DNAJC1: variants seen among roughly 807,000 people sequenced by gnomAD.
DNAJC1 encodes DnaJ heat shock protein family (Hsp40) member C1.
In DNAJC1, 58 loss-of-function variants were observed where a neutral mutation model predicts 76.6. The ratio of observed to expected loss-of-function variants is 0.76; its 90% CI spans 0.61 to 0.94. DNAJC1 has a LOEUF of 0.94. Ranked by LOEUF, DNAJC1 falls within the 40% of genes least tolerant of loss-of-function variation. The pLI is 0.00. For synonymous variants in DNAJC1, 258 were observed against 267.9 expected (o/e 0.96, Z 0.36); for missense variants, 689 against 677.3 (o/e 1.02, Z -0.19).
intron 8 of DNAJC1, among the ~76,000 whole-genome samples, chr10:21,809,933 GC>G (rs2131644564): frequency 6.6e-6 from 1 of 151,624 alleles, no homozygotes; most frequent in African/African-American, 2.4e-5. Context: ...TCTTCACATG[GC>G]CTTTCATGTG....
At chr10:21,877,557 T>C (rs577654467) in intron 8 of DNAJC1, among the ~76,000 whole-genome samples, 2 of 152,236 alleles carry the variant, frequency 1.3e-5, no homozygotes, top group African/African-American at 4.8e-5. Context: ...CAGTATCCAA[T>C]AACCATAAGA....
At chr10:21,940,949 G>C (rs1837396595) in intron 1 of DNAJC1, among the ~76,000 whole-genome samples, 1 of 151,866 alleles carries the variant, frequency 6.6e-6, no homozygotes, top group African/African-American at 2.4e-5. Flanking sequence ...ATAATAAAGA[G>C]ATTTAAGAGA....
Position 22,003,289 on chromosome 10 carries a change from T to C in DNAJC1, c.146A>G (p.Glu49Gly), listed in dbSNP as rs749069374. ...LAAVAPARGW[E>G]SGDLELFDLV... ...GTCAAACAACTCCAGGTCTCCGCTC[T>C]CCCAGCCGCGCGCCGGCGCCACGGC... The change falls in exon 1 of 12, where the codon GAG becomes GGG. Residue 49 changes from glutamate (E) to glycine (G), a missense_variant. Transcript: ENST00000376980. 1.3e-6 allele frequency: 2 copies of C among 1,536,026 alleles called. No individual in the cohort carries two copies. The highest frequency in any genetic ancestry group is 2.8e-5 in the African/African-American group (2 of 70,270).
At chr10:21,876,086 A>G (rs958225303) in intron 8 of DNAJC1, among the ~76,000 whole-genome samples, 1 of 152,026 alleles carries the variant, frequency 6.6e-6, no homozygotes, top group Non-Finnish European at 1.5e-5. Flanking sequence ...ATGTACAAAA[A>G]GCTGCAACAC....
intron 1 of DNAJC1, among the ~76,000 whole-genome samples, chr10:21,958,601 T>C (rs552410897): frequency 3.9e-4 from 60 of 152,238 alleles, no homozygotes; most frequent in African/African-American, 1.4e-3. Flanking sequence ...TAATTTTTCG[T>C]ATTTTTAGTA....
intron 1 of DNAJC1, among the ~76,000 whole-genome samples, chr10:21,951,052 T>C (rs1311587678): frequency 6.6e-6 from 1 of 152,076 alleles, no homozygotes; most frequent in African/African-American, 2.4e-5. Flanking sequence ...AAAAAAGTAA[T>C]CTAGATGGCC....
intron 1 of DNAJC1, among the ~76,000 whole-genome samples, chr10:21,980,407 AT>A (rs1400700112): frequency 6.6e-6 from 1 of 152,132 alleles, no homozygotes; most frequent in Non-Finnish European, 1.5e-5. Context: ...CTTCCATAGT[AT>A]TTATAACAAA....
intron 1 of DNAJC1, among the ~76,000 whole-genome samples, chr10:21,978,270 A>C (rs1426468364): frequency 1.3e-5 from 2 of 152,186 alleles, no homozygotes; most frequent in African/African-American, 2.4e-5. Flanking sequence ...ACAGAGGGAG[A>C]GAGAAACATG....
intron 8 of DNAJC1, among the ~76,000 whole-genome samples, chr10:21,806,828 T>C (rs2131642496): frequency 6.6e-6 from 1 of 152,262 alleles, no homozygotes; most frequent in South Asian, 2.1e-4. Flanking sequence ...GGTCAACTTT[T>C]AGCTTTGACT....
Position 21,965,126 on chromosome 10 carries a change from T to TA in DNAJC1, c.223-35986dup, listed in dbSNP as rs576359133. ...CATAACTCCAATTAGATATATCTTT[T>TA]ATCTCTCACATTTTCTATATCTCAG... is the stretch of plus-strand genomic sequence containing the variant. On this transcript the variant is annotated intron_variant, in intron 1 of 11. Transcript: ENST00000376980. Among the ~76,000 whole-genome samples, 588 of 152,292 alleles carry TA rather than the reference T, an allele frequency of 3.9e-3. 2 individuals carry two copies. The highest frequency in any genetic ancestry group is 0.014 in the African/African-American group (565 of 41,566).
rs758795091 is a variant in DNAJC1 at position 22,003,352 on chromosome 10, CGCGGCG to C, written c.77_82del (p.Pro26_Pro27del). ...CAGCAGCAGCCACAGCAGCGGCGTC[CGCGGCG>C]GCGGCGGCGGGAACGGCACCAGCCC... On this transcript the variant is annotated inframe_deletion, in exon 1 of 12. Transcript: ENST00000376980. The C allele has an allele frequency of 2.8e-6, 4 of 1,424,820 alleles. 1 individual carries two copies. The highest frequency in any genetic ancestry group is 3.4e-5 in the Admixed American group (1 of 29,510). The allele number at this position is 1,424,820 out of a possible 1,614,324, so 88.3% of individuals were successfully genotyped here.
intron 1 of DNAJC1, among the ~76,000 whole-genome samples, chr10:21,938,769 C>A (rs1837356408): frequency 6.6e-6 from 1 of 152,180 alleles, no homozygotes; most frequent in Non-Finnish European, 1.5e-5. Flanking sequence ...AAATGTGATA[C>A]CCACATTTTT....
chr10:21,963,041 A>G (rs1837825780), intron 1 of DNAJC1, among the ~76,000 whole-genome samples: 1 of 152,196 alleles, frequency 6.6e-6, no homozygotes, highest in Non-Finnish European at 1.5e-5. Context: ...GTTTTGTTCA[A>G]GTGACCAAAG....
intron 8 of DNAJC1, among the ~76,000 whole-genome samples, chr10:21,881,166 T>C (rs1357423775): frequency 3.3e-5 from 5 of 152,250 alleles, no homozygotes; most frequent in African/African-American, 9.6e-5. Context: ...AGAGAGGGCA[T>C]TGCTCTGGAT....
At chr10:21,797,401 C>A (rs1324861726) in intron 9 of DNAJC1, among the ~76,000 whole-genome samples, 1 of 152,096 alleles carries the variant, frequency 6.6e-6, no homozygotes, top group Non-Finnish European at 1.5e-5. Context: ...TTTTATTCTT[C>A]TTTCTCAAGG....
chr10:21,964,930 G>A (rs965303239), intron 1 of DNAJC1, among the ~76,000 whole-genome samples: 2 of 151,928 alleles, frequency 1.3e-5, no homozygotes, highest in Non-Finnish European at 2.9e-5. Flanking sequence ...TTTTCTCTTT[G>A]ACTGTTTTCA....
chr10:21,902,163 A>G (rs1489333391), intron 7 of DNAJC1, among the ~76,000 whole-genome samples: 4 of 152,198 alleles, frequency 2.6e-5, no homozygotes, highest in African/African-American at 7.2e-5. Context: ...AATGTTTTTA[A>G]TATGCTTTCT....
chr10:21,929,348 T>C (rs1036786447), intron 1 of DNAJC1, among the ~76,000 whole-genome samples: 22 of 152,214 alleles, frequency 1.4e-4, no homozygotes, highest in African/African-American at 5.3e-4. Flanking sequence ...GGCTCTCCTC[T>C]TAACTTTTCA....
At chr10:21,808,689 C>T (rs978084676) in intron 8 of DNAJC1, among the ~76,000 whole-genome samples, 28 of 152,276 alleles carry the variant, frequency 1.8e-4, no homozygotes, top group African/African-American at 6.7e-4. Flanking sequence ...TGAGGGTGGC[C>T]ATGGTGTGAA....
Sources: gnomAD v4.1 joint callset for allele counts (sites outside exome capture counted in the v4.1 genomes callset) on GRCh38, gnomAD v4.1.1 for gene constraint, MANE v1.5 for transcripts, NCBI Gene and HGNC (gene_info 2026-07-23, HGNC 2026-07-21) for gene names.